The following CRIM1 variants were observed in gnomAD, a reference collection of about 807,000 sequenced individuals.
CRIM1 encodes cysteine-rich motor neuron 1 protein.
In CRIM1, 32 loss-of-function variants were observed where a neutral mutation model predicts 116.4. The ratio of observed to expected loss-of-function variants is 0.27; its 90% CI spans 0.21 to 0.37. The LOEUF is 0.37. CRIM1 is among the 10% of genes least tolerant of loss of function. The pLI is 1.00. For synonymous variants in CRIM1, 590 were observed against 509.2 expected, an observed-to-expected ratio of 1.16 and a Z score of -2.13; for missense variants, 1,331 against 1,354.8, an observed-to-expected ratio of 0.98 and a Z score of 0.28.
At chr2:36,467,694 CAG>C (rs1197337570) in intron 5 of CRIM1, among the ~76,000 whole-genome samples, 3 of 152,174 alleles carry the variant, frequency 2.0e-5, no homozygotes, top group South Asian at 2.1e-4. Flanking sequence ...AAAAATCAAA[CAG>C]AAAGCACCCA....
intron 15 of CRIM1, 59 bp downstream of exon 15, chr2:36,544,557 T>C (rs1667179402): frequency 4.6e-6 from 6 of 1,309,300 alleles, no homozygotes; most frequent in Non-Finnish European, 5.9e-6. Context: ...TTAGGTGTTT[T>C]CTAATTTTTA....
At position 36,435,357 on chromosome 2, in the gene CRIM1, A is replaced by T. The variant is rs1473024219; in HGVS notation, c.506-5901A>T. Among the ~76,000 whole-genome samples the T allele has an allele frequency of 7.9e-5, 12 of 151,444 alleles. No individual in the cohort carries two copies. The East Asian group carries it at 1.6e-3, about 20-fold the overall frequency. On this transcript the variant is annotated intron_variant, in intron 2 of 16. Coordinates refer to ENST00000280527, the MANE Select transcript of CRIM1 (RefSeq NM_016441.3). ...GTGTGTGTGTGTGTGTGTGAGTGAG[A>T]GAGAGACAGAGAGAGAGAATGAAGA...
intron 2 of CRIM1, among the ~76,000 whole-genome samples, chr2:36,408,844 C>T (rs749761885): frequency 3.3e-5 from 5 of 151,540 alleles, no homozygotes; most frequent in African/African-American, 4.8e-5. Context: ...GGGAGCATAA[C>T]CACTTTAGCA....
At chr2:36,509,008 T>C (rs72866874) in intron 8 of CRIM1, among the ~76,000 whole-genome samples, 219 of 152,330 alleles carry the variant, frequency 1.4e-3, no homozygotes, top group African/African-American at 5.0e-3. Context: ...CTAAAAAGCC[T>C]ATTATGTAAG....
Position 36,512,303 on chromosome 2 carries a change from C to T in CRIM1, c.1689C>T (p.Arg563=), listed in dbSNP as rs748006042. ...LKNKHGCDIC[R]CKKCPELSCS... ...ATAAGCACGGCTGTGACATCTGTCG[C>T]TGTAAGAAATGTCCAGAGCTCTCAT... Residue 563 remains arginine (R), a synonymous_variant, in exon 10 of 17, where the codon CGC becomes CGT. Transcript: ENST00000280527. 1 of 1,613,776 alleles carries T rather than the reference C, an allele frequency of 6.2e-7. No individual in the cohort carries two copies. The highest frequency in any genetic ancestry group is 8.5e-7 in the Non-Finnish European group (1 of 1,179,658).
intron 7 of CRIM1, among the ~76,000 whole-genome samples, chr2:36,486,066 T>C (rs1416741306): frequency 6.6e-6 from 1 of 152,228 alleles, no homozygotes; most frequent in Non-Finnish European, 1.5e-5. Flanking sequence ...ATATTTTGAT[T>C]TTTCTCTGAT....
At chr2:36,419,685 A>T (rs1183874214) in intron 2 of CRIM1, among the ~76,000 whole-genome samples, 1 of 152,360 alleles carries the variant, frequency 6.6e-6, no homozygotes, top group African/African-American at 2.4e-5. Flanking sequence ...TTATGTTAGA[A>T]TCTGAGCATA....
chr2:36,382,898 G>A (rs1183400662), intron 1 of CRIM1, among the ~76,000 whole-genome samples: 1 of 152,204 alleles, frequency 6.6e-6, no homozygotes, highest in Non-Finnish European at 1.5e-5. Flanking sequence ...ATAGGATATG[G>A]ATTTGATCAG....
intron 4 of CRIM1, among the ~76,000 whole-genome samples, chr2:36,449,077 GATT>G (rs147610794): frequency 4.0e-5 from 6 of 150,154 alleles, no homozygotes; most frequent in Non-Finnish European, 8.9e-5. Flanking sequence ...AAAAATGTTA[GATT>G]ATCTGTCAGC....
chr2:36,452,173 T>G (rs1169194933), intron 4 of CRIM1, among the ~76,000 whole-genome samples: 3 of 152,150 alleles, frequency 2.0e-5, no homozygotes, highest in Non-Finnish European at 4.4e-5. Flanking sequence ...TCAGTTCATT[T>G]TTGTTGTTGT....
In CRIM1 at chr2:36,476,879, C is replaced by T. The variant is rs1377748615; in HGVS notation, c.992-10C>T. ...TACAAATATGCCTTGTTTGTTTTAA[C>T]TCTTTTCAGATACAAAGCCAGCCTG... On this transcript the variant is annotated splice_polypyrimidine_tract_variant and intron_variant, in intron 5 of 16. Coordinates refer to ENST00000280527, the MANE Select transcript of CRIM1 (RefSeq NM_016441.3). 1 of 1,602,796 alleles carries T rather than the reference C, an allele frequency of 6.2e-7. No individual in the cohort carries two copies. The highest frequency in any genetic ancestry group is 8.5e-7 in the Non-Finnish European group (1 of 1,174,252).
At chr2:36,542,111 CAG>C (rs1489607352) in intron 14 of CRIM1, among the ~76,000 whole-genome samples, 1 of 152,074 alleles carries the variant, frequency 6.6e-6, no homozygotes, top group Non-Finnish European at 1.5e-5. Context: ...GGATTTTAAT[CAG>C]AGCTGAACTG....
rs1179301141 is a variant in CRIM1 at position 36,549,619 on chromosome 2, G to A, written c.*918G>A. ...AGTTTTTGTTGAAGCTCTAGCTTAA[G>A]AAGAAACTTTTTTTAAAAAGACTGT... On this transcript the variant is annotated 3_prime_UTR_variant, in exon 17 of 17. Coordinates refer to ENST00000280527, the MANE Select transcript of CRIM1 (RefSeq NM_016441.3). 1 of 152,370 alleles carries A rather than the reference G, an allele frequency of 6.6e-6. No homozygotes were observed. Among genetic ancestry groups the A allele is most frequent in the Admixed American group, 6.6e-5 (1 of 15,258 alleles). 9.4% of individuals were successfully genotyped at this position (152,370 alleles called of 1,614,324 possible).
intron 5 of CRIM1, among the ~76,000 whole-genome samples, chr2:36,473,697 T>C (rs1467787214): frequency 6.6e-6 from 1 of 152,194 alleles, no homozygotes; most frequent in Non-Finnish European, 1.5e-5. Flanking sequence ...ATATTGCATA[T>C]CAGAACTTCA....
intron 1 of CRIM1, chr2:36,369,307 T>C (rs1669795872): frequency 6.6e-6 from 1 of 152,224 alleles, no homozygotes; most frequent in South Asian, 2.1e-4. Flanking sequence ...CCTCCTCCTC[T>C]GGTGAATCCC....
intron 5 of CRIM1, among the ~76,000 whole-genome samples, chr2:36,465,928 C>T (rs1677973357): frequency 1.3e-5 from 2 of 151,718 alleles, no homozygotes; most frequent in Admixed American, 6.6e-5. Flanking sequence ...CCCTGTCGCC[C>T]AGGCTGGAGT....
At chr2:36,505,119 C>T (rs946109530) in intron 8 of CRIM1, among the ~76,000 whole-genome samples, 1 of 152,154 alleles carries the variant, frequency 6.6e-6, no homozygotes, top group African/African-American at 2.4e-5. Flanking sequence ...TAAACTAACA[C>T]CTATCAGGGT....
At chr2:36,374,160 A>T (rs1007026980) in intron 1 of CRIM1, among the ~76,000 whole-genome samples, 2 of 152,216 alleles carry the variant, frequency 1.3e-5, no homozygotes, top group Non-Finnish European at 2.9e-5. Flanking sequence ...ATGCCCAAAG[A>T]TTCTTGGACC....
intron 7 of CRIM1, among the ~76,000 whole-genome samples, chr2:36,490,517 C>G (rs1680152747): frequency 6.6e-6 from 1 of 152,088 alleles, no homozygotes; most frequent in Non-Finnish European, 1.5e-5. Flanking sequence ...AGTACTTGAT[C>G]ATTGTGGCTT....
Sources: gnomAD v4.1 joint callset for allele counts (sites outside exome capture counted in the v4.1 genomes callset) on GRCh38, gnomAD v4.1.1 for gene constraint, MANE v1.5 for transcripts, NCBI Gene and HGNC (gene_info 2026-07-23, HGNC 2026-07-21) for gene names.